Variants in JUP observed in about 807,000 individuals in gnomAD.
The protein encoded by JUP is junction plakoglobin.
In JUP, 28 loss-of-function variants were observed where a neutral mutation model predicts 71.1. The observed-to-expected ratio is 0.39, with a 90% CI of 0.29 to 0.54. The LOEUF (loss-of-function observed/expected upper bound fraction) is 0.54, where lower values mean the gene tolerates loss of function less well. Ranked by LOEUF, JUP falls within the 20% of genes least tolerant of loss-of-function variation. The pLI is 0.62. For synonymous variants in JUP, 401 were observed against 438.9 expected (o/e 0.91, Z 1.08); for missense variants, 869 against 1,030.1 (o/e 0.84, Z 2.14).
rs55634776 is a variant in JUP at position 41,755,121 on chromosome 17, C to T, written c.*623G>A. 6,555 of 397,316 alleles carry T rather than the reference C, an allele frequency of 0.016. 76 individuals carry two copies. Among genetic ancestry groups the T allele is most frequent in the Middle Eastern group, 0.023 (36 of 1,588 alleles). The allele number at this position is 397,316 out of a possible 1,614,324, so 24.6% of individuals were successfully genotyped here. ...CAGACCCAGAGAAGGAACCAAAGCC[C>T]TTCCGGGCCCAGGCAGCTGGAGACA... is the stretch of plus-strand genomic sequence containing the variant. On this transcript the variant is annotated 3_prime_UTR_variant, in exon 14 of 14. Transcript: ENST00000393931.
intron 4 of JUP, 132 bp downstream of exon 4, chr17:41,768,837 A>G: frequency 1.3e-6 from 1 of 756,666 alleles, no homozygotes; most frequent in Non-Finnish European, 2.3e-6. Context: ...GCCACCGAGC[A>G]CCCGGATGGG....
At chr17:41,783,598 T>C (rs1181787930) in intron 1 of JUP, among the ~76,000 whole-genome samples, 1 of 151,878 alleles carries the variant, frequency 6.6e-6, no homozygotes, top group Non-Finnish European at 1.5e-5. Flanking sequence ...TGGCCAGCCA[T>C]AAGGATTAAG....
At chr17:41,765,172 C>T (rs1254299256) in intron 5 of JUP, 105 bp from the exon 6 acceptor site, 1 of 1,132,836 alleles carries the variant, frequency 8.8e-7, no homozygotes, top group South Asian at 1.4e-5. Flanking sequence ...TCAGCTAAAG[C>T]ACGAATAGTT....
intron 1 of JUP, among the ~76,000 whole-genome samples, chr17:41,773,452 T>C (rs1198746036): frequency 6.6e-6 from 1 of 152,206 alleles, no homozygotes; most frequent in Non-Finnish European, 1.5e-5. Flanking sequence ...CAATCCCTAG[T>C]GACTCAGAGT....
At position 41,771,652 on chromosome 17, in the gene JUP, C is replaced by T. The variant is rs1555606905; in HGVS notation, c.203G>A (p.Ser68Asn). 6.2e-7 allele frequency: 1 copy of T among 1,613,536 alleles called. No individual in the cohort carries two copies. Among genetic ancestry groups the T allele is most frequent in the Admixed American group, 1.7e-5 (1 of 60,018 alleles). ...TAGTCCCCAGGGGTCCTGACCTTGG[C>T]TGGGGGGCACCCCCTGGGTGTAAGT... is the stretch of plus-strand genomic sequence containing the variant. ...TTTYTQGVPP[S>N]QGDLEYQMST... Residue 68 changes from serine (S) to asparagine (N), a missense_variant, in exon 2 of 14, where the codon AGC (serine) becomes AAC (asparagine). Transcript: ENST00000393931.
intron 1 of JUP, among the ~76,000 whole-genome samples, chr17:41,775,767 G>T (rs2046852995): frequency 6.6e-6 from 1 of 152,212 alleles, no homozygotes; most frequent in South Asian, 2.1e-4. Flanking sequence ...GACGGGCCCT[G>T]GAGAGGGGGT....
chr17:41,759,617 C>T (rs1329902818), intron 8 of JUP, among the ~76,000 whole-genome samples: 1 of 152,126 alleles, frequency 6.6e-6, no homozygotes, highest in Non-Finnish European at 1.5e-5. Context: ...AGCAGGGCAG[C>T]TCTGGAAAGA....
rs138366708 is a variant in JUP, at chr17:41,756,202, T to C, written c.2059A>G (p.Ile687Val). ...PAAWEAAQSM[I>V]PINEPYGDDM... ...TCTCCATAGGGCTCATTGATGGGAATCATGCTCTGGGCCTGAAAAAGGAGA... is the reference window on the plus strand; with the variant it reads ...TCTCCATAGGGCTCATTGATGGGAACCATGCTCTGGGCCTGAAAAAGGAGA... Residue 687 changes from isoleucine to valine, a missense_variant, in exon 13 of 14, where the codon ATT (isoleucine) becomes GTT (valine). Physicochemically the swap from Ile to Val is conservative, Grantham distance 29 (BLOSUM62 3). Transcript: ENST00000393931. 288 of 1,613,902 alleles carry C rather than the reference T, an allele frequency of 1.8e-4. 2 individuals are homozygous for C. In the African/African-American group the frequency reaches 3.1e-3, roughly 17 times the overall value.
At position 41,763,333 on chromosome 17, in the gene JUP, G is replaced by T; in HGVS notation, c.1159-12C>A. ...CTCTCCAGGCCCTCCTGGAGGGCAAGGAAGGGACGGGGGAGTCAGGGAGCA... is the reference window on the plus strand; with the variant it reads ...CTCTCCAGGCCCTCCTGGAGGGCAATGAAGGGACGGGGGAGTCAGGGAGCA... On this transcript the variant is annotated splice_polypyrimidine_tract_variant and intron_variant, in intron 7 of 13. Transcript: ENST00000393931. The T allele has an allele frequency of 6.2e-7, 1 of 1,606,588 alleles. No individual in the cohort carries two copies. The highest frequency in any genetic ancestry group is 8.5e-7 in the Non-Finnish European group (1 of 1,173,502).
At chr17:41,757,963 C>T (rs1914134780) in intron 10 of JUP, among the ~76,000 whole-genome samples, 179 bp from the exon 11 acceptor site, 1 of 152,142 alleles carries the variant, frequency 6.6e-6, no homozygotes, top group Non-Finnish European at 1.5e-5. Context: ...CATGAGCTAC[C>T]TTGAAATTAC....
chr17:41,766,043 G>A (rs1915659667), intron 5 of JUP, among the ~76,000 whole-genome samples: 1 of 152,084 alleles, frequency 6.6e-6, no homozygotes, highest in Non-Finnish European at 1.5e-5. Context: ...TTCCTTGAGG[G>A]TAGCCTGGGC....
At chr17:41,764,197 C>A (rs560163497) in intron 7 of JUP, among the ~76,000 whole-genome samples, 27 of 152,192 alleles carry the variant, frequency 1.8e-4, no homozygotes, top group African/African-American at 5.3e-4. Context: ...GTCATGGGGG[C>A]CTGTCTCTTG....
At chr17:41,760,319 G>C (rs541235305) in intron 8 of JUP, among the ~76,000 whole-genome samples, 5 of 148,704 alleles carry the variant, frequency 3.4e-5, no homozygotes, top group East Asian at 2.1e-4. Context: ...GCAGTGGCGC[G>C]ATCTCAGCTC....
chr17:41,782,713 C>T (rs1335573008), intron 1 of JUP, among the ~76,000 whole-genome samples: 1 of 152,126 alleles, frequency 6.6e-6, no homozygotes, highest in Non-Finnish European at 1.5e-5. Context: ...ATCACCCCCA[C>T]CTACAAAACC....
In JUP at chr17:41,772,005, G is replaced by C. The variant is rs1460445469; in HGVS notation, c.-8-143C>G. 2.3e-5 allele frequency: 19 copies of C among 827,552 alleles called. No individual in the cohort carries two copies. The South Asian group carries it at 2.8e-4, about 12-fold the overall frequency. The allele number at this position is 827,552 out of a possible 1,614,324, so 51.3% of individuals were successfully genotyped here. On this transcript the variant is annotated intron_variant, in intron 1 of 13. Coordinates refer to ENST00000393931, the MANE Select transcript of JUP (RefSeq NM_002230.4). ...AATGAGGATGCAGGCTGGGGATGGG[G>C]GGACTGCCCAGAAGGGCACCAGGCC...
chr17:41,771,756 G>A lies in JUP; in HGVS notation c.99C>T (p.Cys33=), dbSNP rs139172952. The A allele has an allele frequency of 4.8e-5, 78 of 1,613,988 alleles. No individual in the cohort carries two copies. Among genetic ancestry groups the A allele is most frequent in the South Asian group, 7.7e-5 (7 of 91,086 alleles). The part of the protein sequence containing the change: ...DSGIHSGANT[C]VPSVSSKGIM... ...TGCCCTTGCTGCTGACGGAGGGCAC[G>A]CAGGTGTTGGCGCCCGAGTGGATAC... The change falls in exon 2 of 14, where the codon TGC becomes TGT. Residue 33 remains cysteine, a synonymous_variant. Transcript: ENST00000393931.
chr17:41,770,851 C>T lies in JUP; in HGVS notation c.208+796G>A, dbSNP rs145101188. ...AGGCCTGGTCTCCCTCCAACCCCAA[C>T]GAGGGGCCCTCAGGCTTGACACCTA... is the stretch of plus-strand genomic sequence containing the variant. On this transcript the variant is annotated intron_variant, in intron 2 of 13. Coordinates refer to ENST00000393931, the MANE Select transcript of JUP (RefSeq NM_002230.4). Among the ~76,000 whole-genome samples, 479 of 152,312 alleles carry T rather than the reference C, an allele frequency of 3.1e-3. 1 individual carries two copies. The highest frequency in any genetic ancestry group is 0.011 in the African/African-American group (455 of 41,562).
At chr17:41,774,798 C>T (rs561642054) in intron 1 of JUP, among the ~76,000 whole-genome samples, 10 of 152,122 alleles carry the variant, frequency 6.6e-5, no homozygotes, top group African/African-American at 2.4e-4. Context: ...GCAGAGCACT[C>T]GGCTGCAAAT....
chr17:41,779,076 A>G (rs1336644111), intron 1 of JUP, among the ~76,000 whole-genome samples: 4 of 150,916 alleles, frequency 2.7e-5, no homozygotes, highest in Admixed American at 1.3e-4. Flanking sequence ...CTCTACTAAA[A>G]ATACAAAAAA....
Sources: allele counts gnomAD v4.1 joint callset (sites outside exome capture counted in the v4.1 genomes callset), GRCh38; gene constraint gnomAD v4.1.1; transcripts MANE v1.5; gene names NCBI Gene and HGNC (gene_info 2026-07-23, HGNC 2026-07-21).